CLTCL1: variants seen among roughly 807,000 people sequenced by gnomAD.
CLTCL1 encodes the protein clathrin heavy chain 2.
Under a neutral mutation model 190.0 loss-of-function variants are expected in CLTCL1, and 159 were observed. The ratio of observed to expected loss-of-function variants is 0.84; its 90% CI spans 0.74 to 0.95. CLTCL1 has a LOEUF of 0.95. Among genes scored for constraint, CLTCL1 ranks in the 40% least tolerant of loss-of-function variants. CLTCL1 has a pLI of 0.00. For missense variants in CLTCL1, 1,878 were observed against 2,033.4 expected (o/e 0.92, Z 1.47); for synonymous variants, 752 against 769.6 (o/e 0.98, Z 0.38).
At chr22:19,284,552 T>C (rs1428519800) in intron 1 of CLTCL1, among the ~76,000 whole-genome samples, 3 of 152,034 alleles carry the variant, frequency 2.0e-5, no homozygotes, top group African/African-American at 7.2e-5. Flanking sequence ...CCCAGCTACC[T>C]GGGAGGCTGA....
intron 1 of CLTCL1, among the ~76,000 whole-genome samples, chr22:19,277,334 G>T (rs898871240): frequency 7.2e-5 from 11 of 152,084 alleles, no homozygotes; most frequent in Non-Finnish European, 2.9e-5. Flanking sequence ...ACAAAGTGTT[G>T]GGGTTAAGAA....
intron 27 of CLTCL1, among the ~76,000 whole-genome samples, chr22:19,188,384 T>A (rs2084383037): frequency 1.3e-5 from 2 of 152,196 alleles, no homozygotes; most frequent in African/African-American, 4.8e-5. Context: ...TCATATTAAT[T>A]CATGTTTACA....
In CLTCL1 at chr22:19,216,226, C is replaced by T; in HGVS notation, c.2950G>A (p.Asp984Asn). 1 of 1,613,986 alleles carries T rather than the reference C, an allele frequency of 6.2e-7. No individual in the cohort carries two copies. Among genetic ancestry groups the T allele is most frequent in the Non-Finnish European group, 8.5e-7 (1 of 1,179,880 alleles). ...VVQTALSETRDPEEISVTVKA... is the reference protein window; with the variant it reads ...VVQTALSETRNPEEISVTVKA... ...ACAGTGACCGAAATCTCTTCAGGAT[C>T]CCGTGTTTCTGACAATGCTGTCTGT... is the stretch of plus-strand genomic sequence containing the variant. The change falls in exon 19 of 33, where the codon GAT becomes AAT. Residue 984 changes from aspartate to asparagine, a missense_variant. Transcript: ENST00000427926.
chr22:19,199,544 T>G, intron 24 of CLTCL1, among the ~76,000 whole-genome samples, 190 bp downstream of exon 24: 1 of 152,200 alleles, frequency 6.6e-6, no homozygotes, highest in Non-Finnish European at 1.5e-5. Context: ...AGGTCGAGGA[T>G]AGCTAACAAG....
At chr22:19,222,631 C>T (rs2085609920) in intron 15 of CLTCL1, 53 bp downstream of exon 15, 9 of 1,562,444 alleles carry the variant, frequency 5.8e-6, no homozygotes, top group Non-Finnish European at 6.9e-6. Context: ...GGAAGACTGC[C>T]ACTGACTGGG....
rs563809700 is a variant in CLTCL1 at position 19,198,416 on chromosome 22, C to T, written c.3873+1318G>A. ...TGAGCCACCATGATCCTTTTACCCCCGACAGCCCTGCACCCATCCCAAGTA... is the reference window on the plus strand; with the variant it reads ...TGAGCCACCATGATCCTTTTACCCCTGACAGCCCTGCACCCATCCCAAGTA... On this transcript the variant is annotated intron_variant, in intron 24 of 32. Coordinates refer to ENST00000427926, the MANE Select transcript of CLTCL1 (RefSeq NM_007098.4). The surrounding 1 kb of genome is among the most constrained non-coding windows in gnomAD (Gnocchi z 4.1). Among the ~76,000 whole-genome samples the T allele has an allele frequency of 2.5e-4, 38 of 152,174 alleles. No homozygotes were observed. Among genetic ancestry groups the T allele is most frequent in the Non-Finnish European group, 5.1e-4 (35 of 68,036 alleles).
chr22:19,226,531 A>G (rs1170676889), intron 11 of CLTCL1, 148 bp from the exon 12 acceptor site: 1 of 851,380 alleles, frequency 1.2e-6, no homozygotes, highest in Admixed American at 2.7e-5. Flanking sequence ...TGGTGGCAGC[A>G]GTGCTTGTGG....
Position 19,203,914 on chromosome 22 carries a change from T to C in CLTCL1, c.3601-2421A>G, listed in dbSNP as rs370556783. ...CCACACCCCCAAGCTTGACCCGCCC[T>C]CACTGCTTCTCTCCTCACACCCCAC... On this transcript the variant is annotated intron_variant, in intron 22 of 32. Coordinates refer to ENST00000427926, the MANE Select transcript of CLTCL1 (RefSeq NM_007098.4). Among the ~76,000 whole-genome samples the C allele has an allele frequency of 5.6e-4, 86 of 152,250 alleles. 1 individual carries two copies. Among genetic ancestry groups the C allele is most frequent in the African/African-American group, 2.0e-3 (82 of 41,556 alleles).
At chr22:19,287,016 C>T (rs1326995137) in intron 1 of CLTCL1, among the ~76,000 whole-genome samples, 1 of 152,170 alleles carries the variant, frequency 6.6e-6, no homozygotes, top group African/African-American at 2.4e-5. Flanking sequence ...TCACAGCTTA[C>T]AAACTTGGAG....
intron 2 of CLTCL1, among the ~76,000 whole-genome samples, chr22:19,265,211 TA>T (rs1474083316): frequency 6.6e-6 from 1 of 152,240 alleles, no homozygotes; most frequent in Non-Finnish European, 1.5e-5. Context: ...TATAAATTTA[TA>T]AAACAACTGC....
At chr22:19,183,741 G>T (rs1434146802) in intron 29 of CLTCL1, 130 bp from the exon 30 acceptor site, 2 of 880,240 alleles carry the variant, frequency 2.3e-6, no homozygotes, top group African/African-American at 3.3e-5. Context: ...AGCAAGCCTG[G>T]ACCCATGGCT....
chr22:19,191,692 T>G (rs1555932332), intron 26 of CLTCL1, among the ~76,000 whole-genome samples: 1 of 152,240 alleles, frequency 6.6e-6, no homozygotes, highest in South Asian at 2.1e-4. Flanking sequence ...CAGTATCTGA[T>G]GCAGGGTCCA....
chr22:19,289,528 A>G (rs1555992062), intron 1 of CLTCL1, among the ~76,000 whole-genome samples: 1 of 152,174 alleles, frequency 6.6e-6, no homozygotes, highest in Non-Finnish European at 1.5e-5. Flanking sequence ...TGAAGCACTA[A>G]AGCAGCTCTT....
chr22:19,214,794 C>G (rs1405923062), intron 19 of CLTCL1, among the ~76,000 whole-genome samples: 2 of 151,988 alleles, frequency 1.3e-5, no homozygotes, highest in Admixed American at 1.3e-4. Flanking sequence ...GATTCTCCCG[C>G]CTCAGCCTCC....
intron 18 of CLTCL1, among the ~76,000 whole-genome samples, chr22:19,217,615 CAAAAAAAAA>C (rs71184793): frequency 2.9e-5 from 1 of 34,768 alleles, no homozygotes; most frequent in African/African-American, 9.0e-5. Context: ...GACTCTGTCT[CAAAAAAAAA>C]AAAAAAAAAA....
intron 29 of CLTCL1, chr22:19,184,375 G>GC: frequency 2.3e-6 from 1 of 427,486 alleles, no homozygotes; most frequent in South Asian, 1.7e-5. Context: ...CTGCATGCCT[G>GC]CCATCGCCTG....
intron 19 of CLTCL1, among the ~76,000 whole-genome samples, chr22:19,212,585 GAGAA>G (rs782078152): frequency 0.019 from 2,096 of 113,108 alleles, 33 homozygotes; most frequent in African/African-American, 0.054. Flanking sequence ...AAGAAAGAAA[GAGAA>G]AGAAAGAAAG....
At chr22:19,275,270 C>G (rs916755632) in intron 2 of CLTCL1, among the ~76,000 whole-genome samples, 1 of 152,124 alleles carries the variant, frequency 6.6e-6, no homozygotes, top group South Asian at 2.1e-4. Flanking sequence ...CCTGTGTCGT[C>G]GGATGACCGG....
chr22:19,251,439 T>C (rs1555969974), intron 3 of CLTCL1, among the ~76,000 whole-genome samples: 1 of 152,134 alleles, frequency 6.6e-6, no homozygotes, highest in Non-Finnish European at 1.5e-5. Flanking sequence ...AATTCTTCCA[T>C]TTAAATCTAG....
Sources: gnomAD v4.1 joint callset for allele counts (sites outside exome capture counted in the v4.1 genomes callset) on GRCh38, gnomAD v4.1.1 for gene constraint, Gnocchi (gnomAD v3.1) non-coding constraint, MANE v1.5 for transcripts, NCBI Gene and HGNC (gene_info 2026-07-23, HGNC 2026-07-21) for gene names.